PTPRD: variants seen among roughly 807,000 people sequenced by gnomAD.
PTPRD encodes receptor-type tyrosine-protein phosphatase delta.
Under a neutral mutation model 214.5 loss-of-function variants are expected in PTPRD, and 34 were observed. The ratio of observed to expected loss-of-function variants is 0.16; its 90% CI spans 0.12 to 0.21. The LOEUF (loss-of-function observed/expected upper bound fraction) is 0.21, where lower values mean the gene tolerates loss of function less well. Among genes scored for constraint, PTPRD ranks in the 10% least tolerant of loss-of-function variants. The probability of loss-of-function intolerance (pLI) is 1.00; values close to 1 mark genes in which losing one functional copy is unlikely to be tolerated. For synonymous variants in PTPRD, 1,128 were observed against 845.7 expected (o/e 1.33, Z -5.79); for missense variants, 2,545 against 2,398.7 (o/e 1.06, Z -1.27).
intron 14 of PTPRD, among the ~76,000 whole-genome samples, chr9:8,552,613 T>G (rs532156592): frequency 6.6e-6 from 1 of 152,144 alleles, no homozygotes; most frequent in East Asian, 1.9e-4. Context: ...AGCGACCAGA[T>G]CAGGTAGGCA....
chr9:8,332,891 C>T (rs186963182), intron 43 of PTPRD, among the ~76,000 whole-genome samples: 19 of 152,308 alleles, frequency 1.2e-4, no homozygotes, highest in Non-Finnish European at 2.4e-4. Context: ...TCCATTGTTT[C>T]TGTTAACACA....
chr9:8,604,464 G>A (rs1227299704), intron 14 of PTPRD, among the ~76,000 whole-genome samples: 1 of 152,174 alleles, frequency 6.6e-6, no homozygotes, highest in Non-Finnish European at 1.5e-5. Flanking sequence ...AGCCTGACAA[G>A]AGCATGAAGT....
chr9:10,444,418 A>G (rs1381357565), intron 2 of PTPRD, among the ~76,000 whole-genome samples: 3 of 151,818 alleles, frequency 2.0e-5, no homozygotes, highest in African/African-American at 7.2e-5. Context: ...CTAACATTAT[A>G]TAGGCAAAAT....
intron 3 of PTPRD, among the ~76,000 whole-genome samples, chr9:10,236,439 C>A (rs935833191): frequency 6.6e-6 from 1 of 151,812 alleles, no homozygotes. Context: ...CACTTCTTTC[C>A]ATCAATTCCA....
At chr9:10,046,501 A>T (rs2097399281) in intron 3 of PTPRD, among the ~76,000 whole-genome samples, 1 of 151,754 alleles carries the variant, frequency 6.6e-6, no homozygotes, top group Non-Finnish European at 1.5e-5. Flanking sequence ...CCCTACATTG[A>T]TTTTTCTAGG....
At chr9:10,387,910 C>T (rs2097955865) in intron 2 of PTPRD, among the ~76,000 whole-genome samples, 1 of 146,522 alleles carries the variant, frequency 6.8e-6, no homozygotes, top group South Asian at 2.1e-4. Flanking sequence ...CTCTGCCTGC[C>T]TCGGCCTCCC....
intron 5 of PTPRD, among the ~76,000 whole-genome samples, chr9:9,905,446 G>A (rs777718184): frequency 4.0e-5 from 6 of 151,794 alleles, no homozygotes; most frequent in East Asian, 1.9e-4. Context: ...CCTCATATAC[G>A]ACAACAAGGT....
At chr9:9,939,553 A>C in intron 4 of PTPRD, among the ~76,000 whole-genome samples, 1 of 152,172 alleles carries the variant, frequency 6.6e-6, no homozygotes, top group East Asian at 1.9e-4. Flanking sequence ...CCAGGTCAAT[A>C]AAACCTATTT....
intron 7 of PTPRD, among the ~76,000 whole-genome samples, chr9:9,659,059 A>G (rs1458938906): frequency 6.6e-6 from 1 of 152,138 alleles, no homozygotes; most frequent in Admixed American, 6.6e-5. Context: ...ATGAGAATGA[A>G]AGAAAAGAGG....
At chr9:9,665,448 G>A (rs1253166043) in intron 7 of PTPRD, among the ~76,000 whole-genome samples, 1 of 151,624 alleles carries the variant, frequency 6.6e-6, no homozygotes, top group Non-Finnish European at 1.5e-5. Context: ...GAATATAGAA[G>A]AAAGAAAACT....
chr9:9,538,441 A>G (rs771919508), intron 8 of PTPRD, among the ~76,000 whole-genome samples: 1 of 151,858 alleles, frequency 6.6e-6, no homozygotes, highest in South Asian at 2.1e-4. Flanking sequence ...CTTAGAACAC[A>G]TTTTTCTTCA....
intron 7 of PTPRD, among the ~76,000 whole-genome samples, chr9:9,618,282 T>G (rs1462168660): frequency 6.6e-6 from 1 of 151,862 alleles, no homozygotes; most frequent in Non-Finnish European, 1.5e-5. Context: ...GGGAAGACAG[T>G]AGTATTATCA....
intron 2 of PTPRD, among the ~76,000 whole-genome samples, chr9:10,345,364 C>G (rs2154447589): frequency 6.6e-6 from 1 of 151,928 alleles, no homozygotes; most frequent in East Asian, 1.9e-4. Context: ...TTTGCTGCAC[C>G]CATCAACCTG....
At chr9:9,623,365 A>T (rs2095312520) in intron 7 of PTPRD, among the ~76,000 whole-genome samples, 1 of 152,166 alleles carries the variant, frequency 6.6e-6, no homozygotes, top group Non-Finnish European at 1.5e-5. Flanking sequence ...ATATTATCTC[A>T]AAATGATGTT....
rs139277378 is a variant in PTPRD, at chr9:9,547,350, T to A, written c.-237+27382A>T. 1.8e-3 allele frequency among the ~76,000 whole-genome samples: 268 copies of A among 152,232 alleles called. 1 individual carries two copies. The highest frequency in any genetic ancestry group is 5.9e-3 in the African/African-American group (245 of 41,574). On this transcript the variant is annotated intron_variant, in intron 8 of 45. Transcript: ENST00000381196. ...CTCTACTTCCAAATAAACATCTTTT[T>A]CTTTTGGAAATCCTCTCTCCCTTTT... is the stretch of plus-strand genomic sequence containing the variant.
intron 8 of PTPRD, among the ~76,000 whole-genome samples, chr9:9,445,949 C>A (rs2090255200): frequency 6.6e-6 from 1 of 152,028 alleles, no homozygotes; most frequent in Non-Finnish European, 1.5e-5. Flanking sequence ...ATTGTTTAGA[C>A]AAAAGGAAGT....
chr9:8,621,956 C>G (rs974063451), intron 14 of PTPRD, among the ~76,000 whole-genome samples: 1 of 151,776 alleles, frequency 6.6e-6, no homozygotes, highest in African/African-American at 2.4e-5. Context: ...CCTAAACTAC[C>G]ATCTTCTAAT....
chr9:10,518,055 T>C (rs537551065), intron 2 of PTPRD, among the ~76,000 whole-genome samples: 1 of 152,296 alleles, frequency 6.6e-6, no homozygotes, highest in African/African-American at 2.4e-5. Context: ...AGGAAAAAAC[T>C]GTCACATGGG....
intron 5 of PTPRD, among the ~76,000 whole-genome samples, chr9:9,896,472 T>C (rs754973976): frequency 1.3e-5 from 2 of 152,134 alleles, no homozygotes; most frequent in Non-Finnish European, 2.9e-5. Flanking sequence ...CTTTGAATTT[T>C]ATTAGCATAA....
Sources: allele counts gnomAD v4.1 joint callset (sites outside exome capture counted in the v4.1 genomes callset), GRCh38; gene constraint gnomAD v4.1.1; transcripts MANE v1.5; gene names NCBI Gene and HGNC (gene_info 2026-07-23, HGNC 2026-07-21).